Variants in ADIG observed in about 807,000 individuals in gnomAD.
The protein encoded by ADIG is adipogenesis associated.
In ADIG, 12 loss-of-function variants were observed where a neutral mutation model predicts 10.7. The observed-to-expected ratio is 1.12, with a 90% confidence interval of 0.72 to 1.82. The LOEUF (loss-of-function observed/expected upper bound fraction) is 1.82, where lower values mean the gene tolerates loss of function less well. Among genes scored for constraint, ADIG ranks in the 40% most tolerant of loss-of-function variants. The probability of loss-of-function intolerance (pLI) is 0.00; values close to 1 mark genes in which losing one functional copy is unlikely to be tolerated. For synonymous variants in ADIG, 32 were observed against 35.6 expected (o/e 0.90, Z 0.36); for missense variants, 72 against 92.5 (o/e 0.78, Z 0.91).
chr20:38,582,594 T>G lies in ADIG; in HGVS notation c.124+1220T>G, dbSNP rs188838207. Reference sequence around the variant, plus strand: ...TAGGGGCTTATAATTATGTAATTATTGGGAGTTCCTGGCAAGAACTTGGGA... The same window carrying G: ...TAGGGGCTTATAATTATGTAATTATGGGGAGTTCCTGGCAAGAACTTGGGA... On this transcript the variant is annotated intron_variant, in intron 1 of 2. Coordinates refer to ENST00000537425, the MANE Select transcript of ADIG (RefSeq NM_001393816.1). 2.7e-4 allele frequency among the ~76,000 whole-genome samples: 41 copies of G among 152,288 alleles called. No individual in the cohort carries two copies. In the East Asian group the frequency reaches 7.5e-3, roughly 28 times the overall value.
intron 1 of ADIG, among the ~76,000 whole-genome samples, chr20:38,585,193 T>C (rs917150185): frequency 6.6e-6 from 1 of 152,252 alleles, no homozygotes; most frequent in Non-Finnish European, 1.5e-5. Context: ...GCTGATATTA[T>C]GCCCATTGTA....
chr20:38,587,212 C>T (rs1455976573), intron 2 of ADIG, among the ~76,000 whole-genome samples: 1 of 152,124 alleles, frequency 6.6e-6, no homozygotes, highest in African/African-American at 2.4e-5. Context: ...AGCCTCTCGC[C>T]TCTCTCTCCC....
At chr20:38,584,959 G>A (rs1569000730) in intron 1 of ADIG, among the ~76,000 whole-genome samples, 1 of 152,206 alleles carries the variant, frequency 6.6e-6, no homozygotes, top group South Asian at 2.1e-4. Context: ...TGTACTTTTA[G>A]TAGAGACGGG....
chr20:38,586,271 C>T, intron 2 of ADIG, 110 bp downstream of exon 2: 1 of 812,274 alleles, frequency 1.2e-6, no homozygotes, highest in Non-Finnish European at 1.9e-6. Context: ...TGCTCCCTGG[C>T]CATGCTGGAT....
chr20:38,586,577 G>A (rs1010156616), intron 2 of ADIG, among the ~76,000 whole-genome samples: 9 of 152,064 alleles, frequency 5.9e-5, no homozygotes, highest in Non-Finnish European at 8.8e-5. Context: ...CCTCCGCATC[G>A]TGCTGCTTAC....
chr20:38,587,138 T>G (rs2088644112), intron 2 of ADIG, among the ~76,000 whole-genome samples: 1 of 152,190 alleles, frequency 6.6e-6, no homozygotes. Context: ...CTAGCTTTTC[T>G]TCATCTCCAT....
chr20:38,584,246 G>T (rs748230941), intron 1 of ADIG, among the ~76,000 whole-genome samples: 4 of 152,180 alleles, frequency 2.6e-5, no homozygotes, highest in Non-Finnish European at 5.9e-5. Context: ...AGGCAAAAAT[G>T]ATAATGGGCA....
chr20:38,587,719 A>G (rs947416029), intron 2 of ADIG, among the ~76,000 whole-genome samples: 1 of 136,884 alleles, frequency 7.3e-6, no homozygotes, highest in South Asian at 2.3e-4. Flanking sequence ...TCACTTACCC[A>G]CCTCTTTCTT....
In ADIG at chr20:38,584,581, G is replaced by GTA. The variant is rs139787923; in HGVS notation, c.125-1447_125-1446dup. Among the ~76,000 whole-genome samples, 371 of 152,318 alleles carry GTA rather than the reference G, an allele frequency of 2.4e-3. 2 individuals carry two copies. The highest frequency in any genetic ancestry group is 8.4e-3 in the African/African-American group (348 of 41,568). ...AGTGGGGAGGCTGAATTTGCATCCA[G>GTA]TAGCACCACTCCCTGGCTGTGAGCC... On this transcript the variant is annotated intron_variant, in intron 1 of 2. Coordinates refer to ENST00000537425, the MANE Select transcript of ADIG (RefSeq NM_001393816.1).
intron 2 of ADIG, 40 bp from the exon 3 acceptor site, chr20:38,588,061 C>A: frequency 7.9e-7 from 1 of 1,258,738 alleles, no homozygotes; most frequent in Non-Finnish European, 1.0e-6. Flanking sequence ...TTTTCTCATC[C>A]CAATGGCATC....
intron 1 of ADIG, among the ~76,000 whole-genome samples, chr20:38,583,969 C>T (rs913461718): frequency 6.6e-6 from 1 of 152,010 alleles, no homozygotes; most frequent in African/African-American, 2.4e-5. Flanking sequence ...GCTAAGGGGT[C>T]AGGACACCCA....
Position 38,581,198 on chromosome 20 carries a change from G to T in ADIG, c.-53G>T. ...ATGGCCCAGCCTGCCAGGTCCCATGGGGCAGCCCTGCCAGCCCAGCCCAGG... is the reference window on the plus strand; with the variant it reads ...ATGGCCCAGCCTGCCAGGTCCCATGTGGCAGCCCTGCCAGCCCAGCCCAGG... On this transcript the variant is annotated 5_prime_UTR_variant, in exon 1 of 3. Coordinates refer to ENST00000537425, the MANE Select transcript of ADIG (RefSeq NM_001393816.1). 6.4e-7 allele frequency: 1 copy of T among 1,564,678 alleles called. No homozygotes were observed. Among genetic ancestry groups the T allele is most frequent in the Admixed American group, 1.9e-5 (1 of 52,146 alleles).
rs917150185 is a variant in ADIG at position 38,585,193 on chromosome 20, T to G, written c.125-836T>G. Among the ~76,000 whole-genome samples, 5 of 152,252 alleles carry G rather than the reference T, an allele frequency of 3.3e-5. No homozygotes were observed. In the South Asian group the frequency reaches 1.0e-3, roughly 31 times the overall value. On this transcript the variant is annotated intron_variant, in intron 1 of 2. Coordinates refer to ENST00000537425, the MANE Select transcript of ADIG (RefSeq NM_001393816.1). ...CTCATCCTAGAAGATGCTGATATTATGCCCATTGTACAAAAACCTTTGTTA... is the reference window on the plus strand; with the variant it reads ...CTCATCCTAGAAGATGCTGATATTAGGCCCATTGTACAAAAACCTTTGTTA...
At chr20:38,585,562 C>T (rs557811473) in intron 1 of ADIG, 397 of 1,536,948 alleles carry the variant, frequency 2.6e-4, no homozygotes, top group Non-Finnish European at 3.3e-4. Context: ...CCAGATCTCT[C>T]GTGATCTGTG....
intron 1 of ADIG, among the ~76,000 whole-genome samples, chr20:38,583,247 T>C (rs1404965673): frequency 6.6e-6 from 1 of 152,188 alleles, no homozygotes; most frequent in African/African-American, 2.4e-5. Context: ...TGCTTAATAA[T>C]ACTTAATAAT....
At chr20:38,582,553 C>A (rs1200306270) in intron 1 of ADIG, among the ~76,000 whole-genome samples, 31 of 152,194 alleles carry the variant, frequency 2.0e-4, no homozygotes, top group Admixed American at 2.0e-3. Context: ...CCCTGCTAGC[C>A]CCATGATCTC....
At chr20:38,582,198 C>T (rs2088596021) in intron 1 of ADIG, among the ~76,000 whole-genome samples, 4 of 152,162 alleles carry the variant, frequency 2.6e-5, no homozygotes. Flanking sequence ...TTGCTTGAGC[C>T]CAGGAGTTTG....
intron 1 of ADIG, among the ~76,000 whole-genome samples, chr20:38,584,925 G>A (rs888239040): frequency 2.0e-5 from 3 of 152,092 alleles, no homozygotes; most frequent in African/African-American, 4.8e-5. Context: ...CTACAGGTGC[G>A]CACCACCACG....
At position 38,581,372 on chromosome 20, in the gene ADIG, A is replaced by T. The variant is rs780014381; in HGVS notation, c.122A>T (p.Gln41Leu). The T allele has an allele frequency of 6.2e-7, 1 of 1,613,876 alleles. No individual in the cohort carries two copies. The highest frequency in any genetic ancestry group is 1.3e-5 in the African/African-American group (1 of 74,948). ...LIIWLRFLLS[Q>L]DSEENDSSVC... ...ATCTGGCTACGCTTCTTACTTAGCC[A>T]AGGTGAGCTTCTTACCCCGTCCAGG... The change falls in exon 1 of 3, where the codon CAA (glutamine) becomes CTA (leucine). Residue 41 changes from glutamine to leucine, a missense_variant and splice_region_variant. Physicochemically the swap from Gln to Leu is moderately radical, Grantham distance 113. Coordinates refer to ENST00000537425, the MANE Select transcript of ADIG (RefSeq NM_001393816.1).
Sources: allele counts gnomAD v4.1 joint callset (sites outside exome capture counted in the v4.1 genomes callset), GRCh38; gene constraint gnomAD v4.1.1; transcripts MANE v1.5; gene names NCBI Gene and HGNC (gene_info 2026-07-23, HGNC 2026-07-21).